Variants in MIS18A observed in about 807,000 individuals in gnomAD.
The protein encoded by MIS18A is protein Mis18-alpha.
A neutral mutation model predicts 25.0 loss-of-function variants in MIS18A; 14 were observed. That is an observed-to-expected ratio of 0.56 (90% CI 0.37 to 0.88). The LOEUF is 0.88. Ranked by LOEUF, MIS18A falls within the 40% of genes least tolerant of loss-of-function variation. The pLI is 0.00. For synonymous variants in MIS18A, 134 were observed against 118.6 expected, an observed-to-expected ratio of 1.13 and a Z score of -0.84; for missense variants, 292 against 290.8, an observed-to-expected ratio of 1.00 and a Z score of -0.03.
the MIS18A span, among the ~76,000 whole-genome samples, chr21:32,230,671 C>G: frequency 6.6e-6 from 1 of 152,138 alleles, no homozygotes; most frequent in Non-Finnish European, 1.5e-5. Flanking sequence ...TATGCTGGAA[C>G]AACTTGGTAT....
chr21:32,237,224 T>C, the MIS18A span, among the ~76,000 whole-genome samples: 1 of 152,150 alleles, frequency 6.6e-6, no homozygotes, highest in Non-Finnish European at 1.5e-5. Flanking sequence ...CCATCAGCCT[T>C]GGAACTGCAG....
At chr21:32,236,403 T>A in the MIS18A span, among the ~76,000 whole-genome samples, 1 of 151,390 alleles carries the variant, frequency 6.6e-6, no homozygotes, top group Non-Finnish European at 1.5e-5. Context: ...AAAAAAAGAG[T>A]GTACTTGGGC....
the MIS18A span, among the ~76,000 whole-genome samples, chr21:32,210,418 ACTCTTCAT>A: frequency 1.3e-5 from 2 of 152,038 alleles, no homozygotes; most frequent in African/African-American, 4.8e-5. Context: ...GAGAGGCTAA[ACTCTTCAT>A]CTCTAGCAGC....
At chr21:32,264,702 C>T (rs904211214), downstream of MIS18A, among the ~76,000 whole-genome samples, 2 of 152,140 alleles carry the variant, frequency 1.3e-5, no homozygotes, top group Non-Finnish European at 2.9e-5. Flanking sequence ...GGAAGCTTTG[C>T]TCATGGCTCC....
chr21:32,187,830 A>G, the MIS18A span, among the ~76,000 whole-genome samples: 2 of 152,186 alleles, frequency 1.3e-5, no homozygotes, highest in Non-Finnish European at 2.9e-5. Context: ...GTTAGCTGGC[A>G]TTATGGACTG....
In MIS18A at chr21:32,274,855, A is replaced by C; in HGVS notation, c.376T>G (p.Ser126Ala). The C allele has an allele frequency of 6.2e-7, 1 of 1,612,916 alleles. No individual in the cohort carries two copies. The highest frequency in any genetic ancestry group is 8.5e-7 in the Non-Finnish European group (1 of 1,179,176). Residue 126 changes from serine (S) to alanine (A), a missense_variant, in exon 2 of 5, where the codon TCC (serine) becomes GCC (alanine). Physicochemically the swap from Ser to Ala is moderately conservative, Grantham distance 99. Transcript: ENST00000290130. Reference sequence around the variant, plus strand: ...CAACCATTTTCCTTTTCACGTTTGGATAGCTTCTGTTCCTTATCCACAGAA... The same window carrying C: ...CAACCATTTTCCTTTTCACGTTTGGCTAGCTTCTGTTCCTTATCCACAGAA... ...NVSVDKEQKL[S>A]KREKENGCVL...
chr21:32,164,225 GA>G, the MIS18A span, among the ~76,000 whole-genome samples: 1 of 152,078 alleles, frequency 6.6e-6, no homozygotes, highest in Non-Finnish European at 1.5e-5. Flanking sequence ...TGGTCAACAA[GA>G]TAAGGAGTAT....
chr21:32,247,133 G>A, the MIS18A span, among the ~76,000 whole-genome samples: 4 of 152,262 alleles, frequency 2.6e-5, no homozygotes, highest in East Asian at 7.7e-4. Flanking sequence ...TAGAATCACT[G>A]AATCATGGGA....
the MIS18A span, among the ~76,000 whole-genome samples, chr21:32,257,871 G>A: frequency 4.6e-5 from 7 of 152,276 alleles, no homozygotes; most frequent in East Asian, 1.4e-3. Flanking sequence ...TTCAGCAAAT[G>A]GAAGTCTGGC....
chr21:32,206,943 C>G, the MIS18A span, among the ~76,000 whole-genome samples: 1 of 152,214 alleles, frequency 6.6e-6, no homozygotes, highest in Admixed American at 6.5e-5. Context: ...TTCAGTTTCA[C>G]AAACGCCAAA....
the MIS18A span, among the ~76,000 whole-genome samples, chr21:32,182,617 C>A: frequency 6.6e-6 from 1 of 152,196 alleles, no homozygotes; most frequent in African/African-American, 2.4e-5. Flanking sequence ...TAGCTTTCCA[C>A]AGCTGGAGCT....
At chr21:32,264,577 C>T (rs796527781), downstream of MIS18A, among the ~76,000 whole-genome samples, 12 of 152,256 alleles carry the variant, frequency 7.9e-5, no homozygotes, top group African/African-American at 2.9e-4. Context: ...GATGCAAAAA[C>T]AGATGATTAC....
chr21:32,206,827 C>A, the MIS18A span, among the ~76,000 whole-genome samples: 1 of 152,134 alleles, frequency 6.6e-6, no homozygotes, highest in African/African-American at 2.4e-5. Context: ...AGCCACACTG[C>A]GGGCTGCTCT....
chr21:32,194,902 G>C, the MIS18A span, among the ~76,000 whole-genome samples: 3 of 152,078 alleles, frequency 2.0e-5, no homozygotes, highest in African/African-American at 7.2e-5. Context: ...GTGGGAGGGT[G>C]GGAAGGGGGT....
the MIS18A span, among the ~76,000 whole-genome samples, chr21:32,176,577 AG>A: frequency 6.6e-6 from 1 of 152,202 alleles, no homozygotes; most frequent in Non-Finnish European, 1.5e-5. Flanking sequence ...TGCTGTAAAG[AG>A]GGGGAATTTA....
chr21:32,173,853 T>C, the MIS18A span, among the ~76,000 whole-genome samples: 1 of 152,088 alleles, frequency 6.6e-6, no homozygotes, highest in South Asian at 2.1e-4. Flanking sequence ...GTTGTGATGA[T>C]TGCAAAACTC....
At chr21:32,276,460 C>CAAAAAAAAA (rs558102501) in intron 1 of MIS18A, among the ~76,000 whole-genome samples, 1 of 72,732 alleles carries the variant, frequency 1.4e-5, no homozygotes, top group Non-Finnish European at 2.9e-5. Flanking sequence ...GACTCTGTCT[C>CAAAAAAAAA]AAAAAAAAAA....
chr21:32,179,436 C>T, the MIS18A span, among the ~76,000 whole-genome samples: 2 of 114,216 alleles, frequency 1.8e-5, no homozygotes, highest in African/African-American at 3.5e-5. Flanking sequence ...TTCATGCACA[C>T]ATGCACACAC....
the MIS18A span, among the ~76,000 whole-genome samples, chr21:32,252,673 C>T: frequency 5.3e-5 from 8 of 152,178 alleles, no homozygotes; most frequent in Non-Finnish European, 1.0e-4. Flanking sequence ...GACCCCCTAC[C>T]ACACTGAGTT....
Sources: allele counts gnomAD v4.1 joint callset (sites outside exome capture counted in the v4.1 genomes callset), GRCh38; gene constraint gnomAD v4.1.1; transcripts MANE v1.5; gene names NCBI Gene and HGNC (gene_info 2026-07-23, HGNC 2026-07-21).